Variants in CD53 observed in about 807,000 individuals in gnomAD.
The protein encoded by CD53 is leukocyte surface antigen CD53.
CD53 carries 20 observed loss-of-function variants against 27.3 expected under a neutral mutation model. The ratio of observed to expected loss-of-function variants is 0.73; its 90% confidence interval spans 0.52 to 1.07. CD53 has a LOEUF of 1.07. Among genes scored for constraint, CD53 ranks in the 50% least tolerant of loss-of-function variants. The probability of loss-of-function intolerance (pLI) is 0.00; values close to 1 mark genes in which losing one functional copy is unlikely to be tolerated. For synonymous variants in CD53, 106 were observed against 105.3 expected (o/e 1.01, Z -0.04); for missense variants, 216 against 264.0 (o/e 0.82, Z 1.26).
chr1:110,871,421 G>T (rs531309882), upstream of CD53, among the ~76,000 whole-genome samples: 1 of 152,226 alleles, frequency 6.6e-6, no homozygotes, highest in African/African-American at 2.4e-5. Context: ...TCTCATGAAC[G>T]TGGCTGAAAG....
intron 2 of CD53, 84 bp downstream of exon 2, chr1:110,891,555 G>T: frequency 1.1e-6 from 1 of 893,676 alleles, no homozygotes; most frequent in Non-Finnish European, 1.8e-6. Context: ...AGGCTGGTGT[G>T]GGGTAAAATG....
intron 3 of CD53, chr1:110,892,775 CT>C (rs1394606278): frequency 2.3e-6 from 1 of 438,040 alleles, no homozygotes; most frequent in African/African-American, 2.0e-5. Context: ...CTAATAATGA[CT>C]TTTGTCATTA....
intron 1 of CD53, among the ~76,000 whole-genome samples, chr1:110,885,873 A>C (rs1014112352): frequency 1.2e-4 from 19 of 152,166 alleles, no homozygotes; most frequent in African/African-American, 4.6e-4. Context: ...CAAAAAAATA[A>C]AAATAAAAAT....
At chr1:110,875,789 G>T (rs745876780) in intron 1 of CD53, among the ~76,000 whole-genome samples, 17 of 152,202 alleles carry the variant, frequency 1.1e-4, no homozygotes, top group Non-Finnish European at 1.8e-4. Context: ...TGAGCTGGAG[G>T]TTGGGTGGTC....
At chr1:110,876,626 AG>A (rs1372249452) in intron 1 of CD53, among the ~76,000 whole-genome samples, 1 of 152,064 alleles carries the variant, frequency 6.6e-6, no homozygotes, top group Non-Finnish European at 1.5e-5. Context: ...TTATATCAGG[AG>A]CAAATAAAGG....
At chr1:110,895,082 A>G in intron 5 of CD53, 27 bp downstream of exon 5, 53 of 1,516,558 alleles carry the variant, frequency 3.5e-5, no homozygotes, top group Non-Finnish European at 4.7e-5. Context: ...TCCTCTTCAG[A>G]TCAGCCCAGA....
intron 7 of CD53, 70 bp downstream of exon 7, chr1:110,897,962 C>A: frequency 1.2e-6 from 1 of 808,048 alleles, no homozygotes; most frequent in East Asian, 2.6e-5. Flanking sequence ...CAGAATAATA[C>A]CAGGTACACA....
chr1:110,891,258 T>C, intron 1 of CD53, 134 bp from the exon 2 acceptor site: 1 of 658,374 alleles, frequency 1.5e-6, no homozygotes, highest in South Asian at 1.8e-5. Context: ...AGCGCAGAGT[T>C]TGGGGAAACT....
chr1:110,897,563 G>A (rs1657119737), intron 6 of CD53: 1 of 328,332 alleles, frequency 3.0e-6, no homozygotes, highest in Non-Finnish European at 5.6e-6. Context: ...GTTTAACTCA[G>A]CGGGTAAGGA....
chr1:110,892,051 T>C (rs952278121), intron 2 of CD53, among the ~76,000 whole-genome samples: 2 of 152,196 alleles, frequency 1.3e-5, no homozygotes, highest in Non-Finnish European at 2.9e-5. Flanking sequence ...ACTGAAAAGA[T>C]AAGGAAAAAG....
intron 1 of CD53, among the ~76,000 whole-genome samples, chr1:110,889,697 T>C (rs898126562): frequency 3.3e-5 from 5 of 152,158 alleles, no homozygotes; most frequent in Non-Finnish European, 7.3e-5. Context: ...GGATAAGTGT[T>C]GGCCCGTTTT....
At position 110,894,940 on chromosome 1, in the gene CD53, G is replaced by A. The variant is rs757578789; in HGVS notation, c.328-20G>A. ...ACCTGCTTTTTACCATGTCTCCTCT[G>A]CTGGAATGTGCCTGCCCAGCTGAAT... On this transcript the variant is annotated intron_variant, in intron 4 of 7. Transcript: ENST00000271324. The A allele has an allele frequency of 1.4e-5, 22 of 1,596,598 alleles. No individual in the cohort carries two copies. In the East Asian group the frequency reaches 4.5e-4, roughly 32 times the overall value.
rs57083589 is a variant in CD53, at chr1:110,889,555, CAAAT to C, written c.-17-1805_-17-1802del. 5.2e-3 allele frequency among the ~76,000 whole-genome samples: 766 copies of C among 146,328 alleles called. 7 individuals carry two copies. The highest frequency in any genetic ancestry group is 0.015 in the African/African-American group (587 of 39,276). ...CCTCGGCGAAAGAGCAAAACTCCGT[CAAAT>C]AAATAAATAAATAAATAAATAAATA... On this transcript the variant is annotated intron_variant, in intron 1 of 7. Coordinates refer to ENST00000271324, the MANE Select transcript of CD53 (RefSeq NM_000560.4).
chr1:110,897,381 G>A (rs1046823755), intron 6 of CD53, among the ~76,000 whole-genome samples: 1 of 152,226 alleles, frequency 6.6e-6, no homozygotes, highest in Non-Finnish European at 1.5e-5. Flanking sequence ...GACAACCACT[G>A]ACCAGCAACT....
At chr1:110,895,784 C>A (rs1657036051) in intron 5 of CD53, among the ~76,000 whole-genome samples, 1 of 152,112 alleles carries the variant, frequency 6.6e-6, no homozygotes, top group Non-Finnish European at 1.5e-5. Context: ...AAAAATGAAT[C>A]TCCCAACTCT....
At chr1:110,897,765 T>C in intron 6 of CD53, 44 bp from the exon 7 acceptor site, 3 of 1,170,016 alleles carry the variant, frequency 2.6e-6, no homozygotes, top group Non-Finnish European at 3.8e-6. Context: ...CTTGATATGG[T>C]GGAATTATAG....
intron 1 of CD53, among the ~76,000 whole-genome samples, chr1:110,887,539 A>G (rs950593146): frequency 1.3e-5 from 2 of 152,318 alleles, no homozygotes; most frequent in African/African-American, 2.4e-5. Flanking sequence ...TGGCATTCCT[A>G]TAAATCTTAT....
In CD53 at chr1:110,895,112, T is replaced by C. The variant is rs1200627699; in HGVS notation, c.423+57T>C. 8 of 1,265,074 alleles carry C rather than the reference T, an allele frequency of 6.3e-6. No individual in the cohort carries two copies. In the Admixed American group the frequency reaches 1.3e-4, roughly 21 times the overall value. 78.4% of individuals were successfully genotyped at this position (1,265,074 alleles called of 1,614,324 possible). A position where few individuals can be genotyped will look rare whatever the true frequency, so the allele number is the denominator to read the frequency against. On this transcript the variant is annotated intron_variant, in intron 5 of 7. Transcript: ENST00000271324. ...CCCAGACTTCATTTTCAAGCCTAAA[T>C]CCTTGGGGGCTAGTTCCTTTTTCTG...
intron 1 of CD53, among the ~76,000 whole-genome samples, chr1:110,875,511 T>C (rs1656093773): frequency 6.6e-6 from 1 of 152,218 alleles, no homozygotes; most frequent in African/African-American, 2.4e-5. Context: ...GCTTAGCTTC[T>C]GTTCCAGGAA....
Sources: gnomAD v4.1 joint callset for allele counts (sites outside exome capture counted in the v4.1 genomes callset) on GRCh38, gnomAD v4.1.1 for gene constraint, MANE v1.5 for transcripts, NCBI Gene and HGNC (gene_info 2026-07-23, HGNC 2026-07-21) for gene names.